RBM19: variants seen among roughly 807,000 people sequenced by gnomAD.
RBM19 encodes probable RNA-binding protein 19.
A neutral mutation model predicts 116.8 loss-of-function variants in RBM19; 94 were observed. That is an observed-to-expected ratio of 0.80 (90% confidence interval 0.68 to 0.95). RBM19 has a LOEUF of 0.95. Among genes scored for constraint, RBM19 ranks in the 40% least tolerant of loss-of-function variants. The pLI is 0.00. For synonymous variants in RBM19, 475 were observed against 494.1 expected, an observed-to-expected ratio of 0.96 and a Z score of 0.51; for missense variants, 1,161 against 1,220.7, an observed-to-expected ratio of 0.95 and a Z score of 0.73.
At chr12:113,943,334 C>T (rs1193846468) in intron 13 of RBM19, among the ~76,000 whole-genome samples, 1 of 152,130 alleles carries the variant, frequency 6.6e-6, no homozygotes, top group African/African-American at 2.4e-5. Flanking sequence ...CGGCTGCAGG[C>T]CCCCAGCTGG....
At chr12:113,925,959 T>C (rs967693272) in intron 17 of RBM19, among the ~76,000 whole-genome samples, 4 of 152,150 alleles carry the variant, frequency 2.6e-5, no homozygotes, top group Admixed American at 6.5e-5. Context: ...AAAACAAAAA[T>C]GGAACCAGGA....
rs1424350841 is a variant in RBM19, at chr12:113,825,591, G to T, written c.2786-2270C>A. Among the ~76,000 whole-genome samples the T allele has an allele frequency of 2.0e-5, 3 of 152,182 alleles. No homozygotes were observed. The highest frequency in any genetic ancestry group is 6.5e-5 in the Admixed American group (1 of 15,286). ...GGGATGGCAGCTCACTCCTGGGGCA[G>T]GGTCCCTGCCTTCCTGGGCCAGGCC... On this transcript the variant is annotated intron_variant, in intron 23 of 23. Transcript: ENST00000261741. This position sits in a 1 kb window ranked among gnomAD's most constrained non-coding sequence, Gnocchi z 5.7.
At chr12:113,883,504 A>T (rs1198412343) in intron 21 of RBM19, among the ~76,000 whole-genome samples, 1 of 152,272 alleles carries the variant, frequency 6.6e-6, no homozygotes, top group African/African-American at 2.4e-5. Flanking sequence ...GTAGCAGAAC[A>T]CTGCACACTA....
chr12:113,837,997 C>T (rs1360624816), intron 23 of RBM19, among the ~76,000 whole-genome samples: 2 of 152,198 alleles, frequency 1.3e-5, no homozygotes, highest in African/African-American at 4.8e-5. Context: ...GACACCAAAA[C>T]GTCTAAATAT....
At chr12:113,818,844 C>T (rs993685788), downstream of RBM19, among the ~76,000 whole-genome samples, 1 of 152,206 alleles carries the variant, frequency 6.6e-6, no homozygotes, top group African/African-American at 2.4e-5. Context: ...TGTCCCTCAC[C>T]CCTGTCTGTT....
intron 17 of RBM19, 97 bp downstream of exon 17, chr12:113,926,957 G>A (rs1317410610): frequency 9.6e-6 from 13 of 1,353,614 alleles, no homozygotes; most frequent in East Asian, 4.6e-5. Context: ...ATATTAACAC[G>A]CATCATGTTT....
chr12:113,917,786 G>A (rs1217773424), intron 20 of RBM19, among the ~76,000 whole-genome samples: 1 of 152,208 alleles, frequency 6.6e-6, no homozygotes, highest in African/African-American at 2.4e-5. Flanking sequence ...GACACTGTTG[G>A]AGGCACGTCG....
intron 21 of RBM19, among the ~76,000 whole-genome samples, chr12:113,889,803 T>C (rs183088457): frequency 3.4e-4 from 51 of 151,940 alleles, no homozygotes; most frequent in African/African-American, 1.2e-3. Flanking sequence ...AAGAAACACA[T>C]GTGGAACGAT....
At chr12:113,854,962 G>C (rs976864924) in intron 22 of RBM19, among the ~76,000 whole-genome samples, 3 of 152,248 alleles carry the variant, frequency 2.0e-5, no homozygotes, top group Admixed American at 6.5e-5. Flanking sequence ...ATTATCATCA[G>C]TTGCCTGGTT....
At chr12:113,868,389 A>G (rs1878991843) in intron 21 of RBM19, among the ~76,000 whole-genome samples, 1 of 152,252 alleles carries the variant, frequency 6.6e-6, no homozygotes, top group Non-Finnish European at 1.5e-5. Flanking sequence ...TCATAAAAAT[A>G]GAGTTTTAAA....
rs1878134471 is a variant in RBM19, at chr12:113,858,840, G to A, written c.2615C>T (p.Thr872Ile). ...GTCCACAAAGCCGAAGCCTCTGTGT[G>A]TGCCTGTCCCAGTCATCTTCTTTGG... ...RLPKKMTGTG[T>I]HRGFGFVDFL... Residue 872 changes from threonine to isoleucine, a missense_variant, in exon 22 of 24, where the codon ACA becomes ATA. Coordinates refer to ENST00000261741, the MANE Select transcript of RBM19 (RefSeq NM_016196.4). 6.2e-7 allele frequency: 1 copy of A among 1,614,050 alleles called. No homozygotes were observed. The highest frequency in any genetic ancestry group is 8.5e-7 in the Non-Finnish European group (1 of 1,180,038).
At chr12:113,874,465 C>T (rs1879517528) in intron 21 of RBM19, among the ~76,000 whole-genome samples, 1 of 152,250 alleles carries the variant, frequency 6.6e-6, no homozygotes, top group African/African-American at 2.4e-5. Context: ...AGCAGACCCA[C>T]TGGGCGGCAG....
intron 21 of RBM19, among the ~76,000 whole-genome samples, chr12:113,896,597 T>C (rs567233586): frequency 7.2e-5 from 11 of 152,242 alleles, no homozygotes; most frequent in African/African-American, 2.4e-4. Context: ...CAGGCTGGGT[T>C]TTTTCCCGAA....
intron 21 of RBM19, among the ~76,000 whole-genome samples, chr12:113,881,678 G>A (rs925202533): frequency 2.0e-5 from 3 of 152,212 alleles, no homozygotes; most frequent in African/African-American, 7.2e-5. Context: ...GGCCAGACAG[G>A]AAGGCAAAAC....
At chr12:113,919,769 C>T (rs79019524) in intron 19 of RBM19, among the ~76,000 whole-genome samples, 14,230 of 152,054 alleles carry the variant, frequency 0.094, 781 homozygotes, top group African/African-American at 0.13. Context: ...AAACAGCTTT[C>T]GGTTCAGCCC....
chr12:113,863,626 A>T (rs992592000), intron 21 of RBM19, among the ~76,000 whole-genome samples: 1 of 152,194 alleles, frequency 6.6e-6, no homozygotes, highest in Non-Finnish European at 1.5e-5. Flanking sequence ...GAATCCCAGC[A>T]GAAGTGCTGA....
In RBM19 at chr12:113,959,753, C is replaced by G; in HGVS notation, c.378+112G>C. ...CTTTCCTAGCCTCCACCCTCTCCAG[C>G]CTCTACGGTCTCCTAGCCTCCACCC... On this transcript the variant is annotated intron_variant, in intron 4 of 23. Coordinates refer to ENST00000261741, the MANE Select transcript of RBM19 (RefSeq NM_016196.4). The G allele has an allele frequency of 2.3e-6, 3 of 1,307,758 alleles. 1 individual carries two copies. The highest frequency in any genetic ancestry group is 3.2e-6 in the Non-Finnish European group (3 of 923,988). 81.0% of individuals were successfully genotyped at this position (1,307,758 alleles called of 1,614,324 possible). A position where few individuals can be genotyped will look rare whatever the true frequency, so the allele number is the denominator to read the frequency against.
chr12:113,962,200 G>A (rs1272887479), intron 2 of RBM19, 32 bp downstream of exon 2: 2 of 1,607,032 alleles, frequency 1.2e-6, no homozygotes, highest in African/African-American at 1.3e-5. Context: ...ACACTTGACA[G>A]GAAGGTAAGG....
intron 21 of RBM19, among the ~76,000 whole-genome samples, chr12:113,861,474 CTGTGTGTG>C (rs57704604): frequency 0.11 from 13,438 of 126,454 alleles, 771 homozygotes; most frequent in Non-Finnish European, 0.15. Context: ...AAGCCAGACT[CTGTGTGTG>C]TGTGTGTGTG....
Sources: allele counts gnomAD v4.1 joint callset (sites outside exome capture counted in the v4.1 genomes callset), GRCh38; gene constraint gnomAD v4.1.1; non-coding constraint Gnocchi (gnomAD v3.1); transcripts MANE v1.5; gene names NCBI Gene and HGNC (gene_info 2026-07-23, HGNC 2026-07-21).